Variants in CYRIB observed in about 807,000 individuals in gnomAD.
CYRIB encodes the protein CYFIP related Rac1 interactor B, also known as CYFIP-related Rac1 interactor B.
CYRIB carries 8 observed loss-of-function variants against 44.2 expected under a neutral mutation model. That is an observed-to-expected ratio of 0.18 (90% CI 0.11 to 0.33). CYRIB has a LOEUF of 0.33. Among genes scored for constraint, CYRIB ranks in the 10% least tolerant of loss-of-function variants. The pLI is 1.00. For missense variants in CYRIB, 185 were observed against 382.8 expected (o/e 0.48, Z 4.31); for synonymous variants, 131 against 127.2 (o/e 1.03, Z -0.20).
intron 5 of CYRIB, among the ~76,000 whole-genome samples, chr8:129,861,174 T>C (rs1279002517): frequency 6.6e-6 from 1 of 152,202 alleles, no homozygotes; most frequent in Non-Finnish European, 1.5e-5. Context: ...ATCTATACTA[T>C]TCCTCTCCTG....
At chr8:129,978,118 C>CTA (rs950428567) in intron 1 of CYRIB, among the ~76,000 whole-genome samples, 3 of 151,930 alleles carry the variant, frequency 2.0e-5, no homozygotes, top group African/African-American at 7.3e-5. Flanking sequence ...CGAGGTCTTG[C>CTA]TATGTGCCCA....
At chr8:129,908,891 C>T (rs145535802) in intron 1 of CYRIB, among the ~76,000 whole-genome samples, 401 of 152,156 alleles carry the variant, frequency 2.6e-3, no homozygotes, top group African/African-American at 7.8e-3. Flanking sequence ...CTTAATACTG[C>T]GCAAATATTA....
Position 129,935,104 on chromosome 8 carries a change from G to A in CYRIB, c.-50+4504C>T, listed in dbSNP as rs942481437. ...TCGTTATTGGGCCACGAGAAATAGA[G>A]TGATCCTCACTTTGGTCCGAGAACA... On this transcript the variant is annotated intron_variant, in intron 1 of 11. Transcript: ENST00000519824. Among the ~76,000 whole-genome samples the A allele has an allele frequency of 1.1e-4, 16 of 152,154 alleles. 1 individual carries two copies. Among genetic ancestry groups the A allele is most frequent in the African/African-American group, 3.6e-4 (15 of 41,444 alleles).
In CYRIB at chr8:129,991,964, A is replaced by G. The variant is rs2395971; in HGVS notation, c.-295-20969T>C. 8.6e-4 allele frequency among the ~76,000 whole-genome samples: 119 copies of G among 138,232 alleles called. 4 individuals carry two copies. The highest frequency in any genetic ancestry group is 3.2e-3 in the South Asian group (12 of 3,758). The allele number at this position is 138,232 out of a possible 152,430, so 90.7% of individuals were successfully genotyped here. A position where few individuals can be genotyped will look rare whatever the true frequency, so the allele number is the denominator to read the frequency against. On this transcript the variant is annotated intron_variant, in intron 1 of 14. Transcript: ENST00000401979. Reference sequence around the variant, plus strand: ...GTCGCAAAAAAAAAAAAAAAAAAAAAAAAAAAAACAATAGGAAGCTATTAA... The same window carrying G: ...GTCGCAAAAAAAAAAAAAAAAAAAAGAAAAAAAACAATAGGAAGCTATTAA...
chr8:129,867,217 A>G (rs1395872966), intron 4 of CYRIB, among the ~76,000 whole-genome samples: 1 of 151,042 alleles, frequency 6.6e-6, no homozygotes, highest in Admixed American at 6.6e-5. Context: ...TCCACCACCC[A>G]GGTACAAGTG....
At chr8:129,939,365 G>C (rs1281120760) in intron 1 of CYRIB, among the ~76,000 whole-genome samples, 3 of 151,722 alleles carry the variant, frequency 2.0e-5, no homozygotes, top group East Asian at 3.9e-4. Flanking sequence ...TGGAAGGAAG[G>C]GGGCGGAAGA....
At chr8:129,955,207 C>G (rs183372038) in intron 2 of CYRIB, among the ~76,000 whole-genome samples, 46 of 145,414 alleles carry the variant, frequency 3.2e-4, no homozygotes, top group African/African-American at 1.1e-3. Flanking sequence ...GAGCCAAGAT[C>G]GTGCCACTGC....
intron 2 of CYRIB, among the ~76,000 whole-genome samples, chr8:129,961,711 G>A (rs1591250806): frequency 6.6e-6 from 1 of 152,148 alleles, no homozygotes; most frequent in South Asian, 2.1e-4. Context: ...TGAATGAGTG[G>A]ATAAACAAAT....
intron 1 of CYRIB, among the ~76,000 whole-genome samples, chr8:129,921,909 G>A (rs1028727800): frequency 3.3e-5 from 5 of 152,130 alleles, no homozygotes; most frequent in Non-Finnish European, 7.4e-5. Context: ...AGAGGCTTAT[G>A]AGCCACCAAT....
At chr8:129,856,866 A>T (rs1015326735) in intron 5 of CYRIB, among the ~76,000 whole-genome samples, 4 of 152,232 alleles carry the variant, frequency 2.6e-5, no homozygotes, top group Non-Finnish European at 5.9e-5. Context: ...TTTCTACCAC[A>T]ATAAACTGTC....
chr8:130,007,523 G>A (rs1420804456), intron 1 of CYRIB, among the ~76,000 whole-genome samples: 5 of 152,182 alleles, frequency 3.3e-5, no homozygotes, highest in African/African-American at 4.8e-5. Context: ...AGTGGCTCAC[G>A]CCTGTAATCC....
At chr8:129,892,068 TAGGAAA>T (rs1423198745) in intron 2 of CYRIB, among the ~76,000 whole-genome samples, 1 of 151,718 alleles carries the variant, frequency 6.6e-6, no homozygotes, top group Non-Finnish European at 1.5e-5. Context: ...TTACAGGAGG[TAGGAAA>T]AGGAAGAGTT....
chr8:129,944,350 T>G (rs1161553106), upstream of CYRIB, among the ~76,000 whole-genome samples: 1 of 152,104 alleles, frequency 6.6e-6, no homozygotes, highest in Non-Finnish European at 1.5e-5. Flanking sequence ...AAGTTCAATC[T>G]GGGGGAAGAG....
At chr8:129,922,343 C>T (rs1203243909) in intron 1 of CYRIB, among the ~76,000 whole-genome samples, 1 of 152,042 alleles carries the variant, frequency 6.6e-6, no homozygotes, top group Non-Finnish European at 1.5e-5. Context: ...CAATTTAAAG[C>T]CATTCCTACA....
At chr8:129,888,574 C>G (rs1371405564) in intron 2 of CYRIB, among the ~76,000 whole-genome samples, 1 of 152,170 alleles carries the variant, frequency 6.6e-6, no homozygotes, top group African/African-American at 2.4e-5. Flanking sequence ...AATCCTTGAG[C>G]TACCTACCCA....
chr8:129,920,642 A>G (rs2083067862), intron 1 of CYRIB, among the ~76,000 whole-genome samples: 1 of 152,176 alleles, frequency 6.6e-6, no homozygotes, highest in Non-Finnish European at 1.5e-5. Flanking sequence ...ACTGGAAAAG[A>G]TAAATAAAAT....
intron 1 of CYRIB, among the ~76,000 whole-genome samples, chr8:129,927,277 G>A (rs577087636): frequency 2.6e-4 from 40 of 152,204 alleles, no homozygotes; most frequent in African/African-American, 9.1e-4. Flanking sequence ...GGGCGACAGT[G>A]AGACTCTGTC....
chr8:129,888,082 G>A lies in CYRIB; in HGVS notation c.-10-8611C>T, dbSNP rs115562000. ...ACAGAATGATATGGTTTGAATTTGT[G>A]TCCCTGCCCAAATTTCATGAGTGTT... On this transcript the variant is annotated intron_variant, in intron 2 of 11. Transcript: ENST00000519824. Among the ~76,000 whole-genome samples the A allele has an allele frequency of 7.4e-3, 1,126 of 152,302 alleles. 11 individuals are homozygous for A. Among genetic ancestry groups the A allele is most frequent in the African/African-American group, 0.026 (1,085 of 41,548 alleles).
chr8:129,997,412 C>G (rs568052235), intron 1 of CYRIB, among the ~76,000 whole-genome samples: 8 of 152,242 alleles, frequency 5.3e-5, no homozygotes, highest in African/African-American at 1.7e-4. Context: ...TCTATAAACA[C>G]AGACCCAAAA....
Sources: gnomAD v4.1 joint callset for allele counts (sites outside exome capture counted in the v4.1 genomes callset) on GRCh38, gnomAD v4.1.1 for gene constraint, MANE v1.5 for transcripts, NCBI Gene and HGNC (gene_info 2026-07-23, HGNC 2026-07-21) for gene names.